GPM6A: variants seen among roughly 807,000 people sequenced by gnomAD.
GPM6A encodes the protein glycoprotein M6A.
GPM6A carries 7 observed loss-of-function variants against 32.1 expected under a neutral mutation model. That is an observed-to-expected ratio of 0.22 (90% CI 0.12 to 0.41). The LOEUF is 0.41. Among genes scored for constraint, GPM6A ranks in the 10% least tolerant of loss-of-function variants. The pLI is 1.00. For synonymous variants in GPM6A, 130 were observed against 123.4 expected (o/e 1.05, Z -0.35); for missense variants, 235 against 347.2 (o/e 0.68, Z 2.57).
At chr4:175,970,760 G>C in intron 1 of GPM6A, 1 of 418,142 alleles carries the variant, frequency 2.4e-6, no homozygotes, top group African/African-American at 2.1e-5. Context: ...TTAAAAGGAA[G>C]GAATTGCAAC....
At chr4:175,974,975 C>A (rs180685067) in intron 1 of GPM6A, among the ~76,000 whole-genome samples, 1 of 152,292 alleles carries the variant, frequency 6.6e-6, no homozygotes, top group Admixed American at 6.5e-5. Context: ...TGAGCCACCG[C>A]ACCTGGCCTA....
intron 1 of GPM6A, among the ~76,000 whole-genome samples, chr4:175,997,072 C>T (rs929445377): frequency 6.6e-6 from 1 of 152,092 alleles, no homozygotes; most frequent in Non-Finnish European, 1.5e-5. Context: ...CTGGCATCAA[C>T]TGCCAGCTAT....
At chr4:175,704,795 T>C (rs1745083110) in intron 1 of GPM6A, among the ~76,000 whole-genome samples, 1 of 152,160 alleles carries the variant, frequency 6.6e-6, no homozygotes, top group Admixed American at 6.5e-5. Context: ...ACAAAACTGT[T>C]CAAGGTAGAA....
At chr4:175,935,807 T>G (rs1739199866) in intron 1 of GPM6A, among the ~76,000 whole-genome samples, 1 of 151,952 alleles carries the variant, frequency 6.6e-6, no homozygotes, top group African/African-American at 2.4e-5. Flanking sequence ...AAATTTATAG[T>G]GGATGTTCAA....
At chr4:175,700,028 AATTTTTGC>A in intron 2 of GPM6A, among the ~76,000 whole-genome samples, 1 of 151,736 alleles carries the variant, frequency 6.6e-6, no homozygotes, top group Non-Finnish European at 1.5e-5. Context: ...ATGCCCAGGT[AATTTTTGC>A]ATTTTTAGTA....
chr4:175,992,453 T>G (rs1016321278), intron 1 of GPM6A, among the ~76,000 whole-genome samples: 21 of 152,190 alleles, frequency 1.4e-4, no homozygotes, highest in African/African-American at 4.8e-4. Context: ...CTGTCAGCTT[T>G]GAGAAATGCT....
chr4:175,836,061 G>T (rs1375676620), intron 1 of GPM6A, among the ~76,000 whole-genome samples: 1 of 152,016 alleles, frequency 6.6e-6, no homozygotes, highest in East Asian at 1.9e-4. Flanking sequence ...CAGCCTGGCA[G>T]CCACTTCCCA....
intron 1 of GPM6A, among the ~76,000 whole-genome samples, chr4:175,780,330 G>A (rs1029006324): frequency 1.3e-5 from 2 of 152,194 alleles, no homozygotes; most frequent in Non-Finnish European, 2.9e-5. Context: ...TTACAGGCAT[G>A]AGCCACTATG....
intron 1 of GPM6A, among the ~76,000 whole-genome samples, chr4:175,743,958 A>G (rs1731991724): frequency 7.4e-6 from 1 of 134,302 alleles, no homozygotes; most frequent in Admixed American, 7.5e-5. Context: ...ATCTAATAGG[A>G]CAAAAAAAAA....
At chr4:175,848,607 A>G (rs1021502311) in intron 1 of GPM6A, among the ~76,000 whole-genome samples, 1 of 152,158 alleles carries the variant, frequency 6.6e-6, no homozygotes, top group Non-Finnish European at 1.5e-5. Context: ...TTTACCTTGC[A>G]CTAACTGGTA....
At chr4:175,887,770 T>C (rs1198551401) in intron 1 of GPM6A, among the ~76,000 whole-genome samples, 1 of 151,908 alleles carries the variant, frequency 6.6e-6, no homozygotes, top group African/African-American at 2.4e-5. Context: ...AAAATGTTGA[T>C]GAAATTCATA....
intron 1 of GPM6A, among the ~76,000 whole-genome samples, chr4:175,716,025 A>G (rs1048731348): frequency 1.3e-5 from 2 of 152,216 alleles, no homozygotes; most frequent in Admixed American, 6.5e-5. Context: ...AGATCACACC[A>G]CTGCACTCCA....
intron 1 of GPM6A, among the ~76,000 whole-genome samples, chr4:175,968,037 C>A (rs1740381915): frequency 6.6e-6 from 1 of 151,938 alleles, no homozygotes; most frequent in Non-Finnish European, 1.5e-5. Context: ...AAAGTTATAG[C>A]AATCAAAACA....
intron 1 of GPM6A, among the ~76,000 whole-genome samples, chr4:175,943,495 A>G (rs1739484306): frequency 6.6e-6 from 1 of 152,222 alleles, no homozygotes; most frequent in Non-Finnish European, 1.5e-5. Context: ...TTGCCCATTC[A>G]GAATGATATT....
rs188826332 is a variant in GPM6A at position 175,763,749 on chromosome 4, A to T, written c.37+48442T>A. On this transcript the variant is annotated intron_variant, in intron 1 of 6. Transcript: ENST00000393658. Reference sequence around the variant, plus strand: ...TCAGAAAACAGGCTTTTTTAAAAAAACAGTCTTCTATATATCCAAATAACA... The same window carrying T: ...TCAGAAAACAGGCTTTTTTAAAAAATCAGTCTTCTATATATCCAAATAACA... 7.2e-5 allele frequency among the ~76,000 whole-genome samples: 11 copies of T among 152,308 alleles called. No individual in the cohort carries two copies. The East Asian group carries it at 2.1e-3, about 29-fold the overall frequency.
intron 1 of GPM6A, among the ~76,000 whole-genome samples, chr4:175,914,866 C>T (rs574102132): frequency 1.3e-5 from 2 of 152,172 alleles, no homozygotes; most frequent in East Asian, 1.9e-4. Flanking sequence ...ATAGTGTTTG[C>T]GGCCCCAACA....
chr4:175,747,011 C>T (rs997060255), intron 1 of GPM6A, among the ~76,000 whole-genome samples: 1 of 152,112 alleles, frequency 6.6e-6, no homozygotes, highest in African/African-American at 2.4e-5. Flanking sequence ...GTGGCTCACG[C>T]CTGTAATCCC....
At chr4:175,666,477 T>A (rs1742759962) in intron 3 of GPM6A, among the ~76,000 whole-genome samples, 1 of 151,994 alleles carries the variant, frequency 6.6e-6, no homozygotes, top group African/African-American at 2.4e-5. Flanking sequence ...AGCTCTTGAG[T>A]TTTTTCTGAA....
chr4:175,836,742 A>G (rs1405947475), intron 1 of GPM6A, among the ~76,000 whole-genome samples: 1 of 152,142 alleles, frequency 6.6e-6, no homozygotes, highest in Non-Finnish European at 1.5e-5. Flanking sequence ...GTAGAATATG[A>G]TGTTACAATG....
Sources: allele counts gnomAD v4.1 joint callset (sites outside exome capture counted in the v4.1 genomes callset), GRCh38; gene constraint gnomAD v4.1.1; transcripts MANE v1.5; gene names NCBI Gene and HGNC (gene_info 2026-07-23, HGNC 2026-07-21).